MCF2: variants seen among roughly 807,000 people sequenced by gnomAD.
The protein encoded by MCF2 is proto-oncogene DBL.
A neutral mutation model predicts 82.5 loss-of-function variants in MCF2; 44 were observed. The observed-to-expected ratio is 0.53, with a 90% CI of 0.42 to 0.69. The LOEUF is 0.69. Ranked by LOEUF, MCF2 falls within the 30% of genes least tolerant of loss-of-function variation. MCF2 has a pLI of 0.00. For synonymous variants in MCF2, 217 were observed against 224.9 expected (o/e 0.96, Z 0.32); for missense variants, 623 against 663.1 (o/e 0.94, Z 0.66).
rs958711811 is a variant in MCF2, at chrX:139,629,858, G to T, written c.289-14C>A. The T allele has an allele frequency of 3.4e-6, 4 of 1,193,922 alleles. No homozygotes were observed. The African/African-American group carries it at 7.1e-5, about 21-fold the overall frequency. ...ATTTTCTATAGCCTGCAAAGAGCCG[G>T]TGATTACTTTAATTATATGGTCACT... On this transcript the variant is annotated splice_polypyrimidine_tract_variant and intron_variant, in intron 3 of 24. Coordinates refer to ENST00000370576, the Ensembl canonical transcript of MCF2.
chrX:139,696,923 T>C (rs1462732182), intron 1 of MCF2, among the ~76,000 whole-genome samples: 1 of 112,238 alleles, frequency 8.9e-6, no homozygotes, highest in African/African-American at 3.2e-5. Flanking sequence ...CTTAAGATTA[T>C]ATAAAGGACT....
intron 1 of MCF2, among the ~76,000 whole-genome samples, chrX:139,701,418 C>T (rs143663962): frequency 0.014 from 1,547 of 112,097 alleles, 16 homozygotes; most frequent in Middle Eastern, 0.027. Flanking sequence ...TGACTTTAAA[C>T]AAAGGAGATT....
In MCF2 at chrX:139,604,860, A is replaced by G. The variant is rs752827288; in HGVS notation, c.1673+9T>C. The G allele has an allele frequency of 4.5e-6, 5 of 1,112,758 alleles. No homozygotes were observed. The South Asian group carries it at 9.7e-5, about 22-fold the overall frequency. The allele number at this position is 1,112,758 out of a possible 1,213,427, so 91.7% of individuals were successfully genotyped here. ...TAAAAAATAAATATTCAATTCAGCA[A>G]TTACATACTCGTTATGGAATTCATA... On this transcript the variant is annotated intron_variant, in intron 14 of 24. Coordinates refer to ENST00000370576, the Ensembl canonical transcript of MCF2.
chrX:139,599,128 G>T (rs753465160), intron 16 of MCF2, among the ~76,000 whole-genome samples: 1 of 108,679 alleles, frequency 9.2e-6, no homozygotes, highest in African/African-American at 3.3e-5. Context: ...GGAAAAATAC[G>T]CCTGAATAAG....
At chrX:139,589,994 C>T in intron 19 of MCF2, 67 bp from the exon 24 acceptor site, 2 of 649,042 alleles carry the variant, frequency 3.1e-6, no homozygotes, top group Non-Finnish European at 4.8e-6. Flanking sequence ...TTAAATCTAC[C>T]CTATCATATT....
At chrX:139,697,273 A>T (rs777847941) in intron 1 of MCF2, among the ~76,000 whole-genome samples, 1 of 112,298 alleles carries the variant, frequency 8.9e-6, no homozygotes, top group African/African-American at 3.2e-5. Context: ...GGCCGCAAAG[A>T]CAGGCTGCCT....
At chrX:139,659,737 A>G (rs549155960) in intron 1 of MCF2, among the ~76,000 whole-genome samples, 2 of 112,401 alleles carry the variant, frequency 1.8e-5, no homozygotes, top group East Asian at 5.6e-4. Flanking sequence ...ATAAGAGGTA[A>G]AAACAGAGCA....
Position 139,694,391 on chromosome X carries a change from G to A in MCF2, c.-45+13715C>T, listed in dbSNP as rs185788602. Among the ~76,000 whole-genome samples, 240 of 102,547 alleles carry A rather than the reference G, an allele frequency of 2.3e-3. 1 individual carries two copies. The highest frequency in any genetic ancestry group is 8.5e-3 in the African/African-American group (237 of 27,914). The allele number at this position is 102,547 out of a possible 115,157, so 89.0% of individuals were successfully genotyped here. ...AATATCCTTCAAGGGATCGAGAATA[G>A]CCAAAACAATCTTGAAAAAAAAAAA... On this transcript the variant is annotated intron_variant, in intron 1 of 27. Coordinates refer to the MCF2 transcript ENST00000414978.
At chrX:139,648,487 G>T (rs1194550390) in intron 2 of MCF2, among the ~76,000 whole-genome samples, 1 of 111,128 alleles carries the variant, frequency 9.0e-6, no homozygotes, top group African/African-American at 3.3e-5. Flanking sequence ...GGGACAAATG[G>T]GAAAAGCTAC....
chrX:139,595,348 C>G (rs754031976), intron 19 of MCF2, among the ~76,000 whole-genome samples: 1 of 109,824 alleles, frequency 9.1e-6, no homozygotes, highest in Non-Finnish European at 1.9e-5. Flanking sequence ...CAATGATAGA[C>G]TGGATTAAGA....
intron 1 of MCF2, among the ~76,000 whole-genome samples, chrX:139,694,467 A>T (rs1297962857): frequency 9.1e-6 from 1 of 110,409 alleles, no homozygotes; most frequent in African/African-American, 3.3e-5. Context: ...ACAAAGCTGC[A>T]ATAATCAAAT....
At chrX:139,585,100 T>C in exon 24 of MCF2, 2 of 1,203,008 alleles carry the variant, frequency 1.7e-6, no homozygotes, top group Non-Finnish European at 2.2e-6. Flanking sequence ...ATTTTCATCA[T>C]AAGTAGGGTA....
intron 2 of MCF2, among the ~76,000 whole-genome samples, chrX:139,632,070 T>C (rs1932953512): frequency 9.0e-6 from 1 of 111,229 alleles, no homozygotes; most frequent in African/African-American, 3.3e-5. Context: ...TATACACACA[T>C]GCACACATAC....
At chrX:139,596,665 G>A (rs749084963) in exon 19 of MCF2, 2 of 1,209,336 alleles carry the variant, frequency 1.7e-6, no homozygotes, top group South Asian at 3.5e-5. Context: ...CGCTGCATTG[G>A]TTTGAATCTA....
intron 24 of MCF2, among the ~76,000 whole-genome samples, chrX:139,583,939 G>A (rs1484377300): frequency 9.1e-6 from 1 of 110,392 alleles, no homozygotes; most frequent in African/African-American, 3.3e-5. Context: ...TAAATTGAAG[G>A]TAATAAAGCC....
At chrX:139,598,629 C>T in intron 16 of MCF2, 131 bp from the exon 21 acceptor site, 1 of 384,076 alleles carries the variant, frequency 2.6e-6, no homozygotes. Context: ...GGAAAAATCA[C>T]TGTTATAGTA....
At chrX:139,680,962 C>G (rs1934984322) in intron 1 of MCF2, among the ~76,000 whole-genome samples, 1 of 112,295 alleles carries the variant, frequency 8.9e-6, no homozygotes, top group Admixed American at 9.4e-5. Flanking sequence ...TGTAAACTGA[C>G]AAGTGCAAAA....
At chrX:139,695,480 G>A (rs142444054) in intron 1 of MCF2, among the ~76,000 whole-genome samples, 11 of 112,059 alleles carry the variant, frequency 9.8e-5, no homozygotes, top group African/African-American at 3.2e-4. Flanking sequence ...AGATGAATAT[G>A]TAGTATAATT....
chrX:139,652,182 C>T (rs747227342), intron 1 of MCF2, among the ~76,000 whole-genome samples: 1 of 111,945 alleles, frequency 8.9e-6, no homozygotes, highest in African/African-American at 3.2e-5. Flanking sequence ...TTAGCAATTA[C>T]AAAGTGCTTT....
Sources: gnomAD v4.1 joint callset for allele counts (sites outside exome capture counted in the v4.1 genomes callset) on GRCh38, gnomAD v4.1.1 for gene constraint, MANE v1.5 for transcripts, NCBI Gene and HGNC (gene_info 2026-07-23, HGNC 2026-07-21) for gene names.